The following RMST variants were observed in gnomAD, a reference collection of about 807,000 sequenced individuals.
RMST encodes long intergenic non-protein coding RNA 54.
At chr12:97,562,007 T>G (rs1284292753) in intron 13 of RMST, among the ~76,000 whole-genome samples, 1 of 152,050 alleles carries the variant, frequency 6.6e-6, no homozygotes, top group Non-Finnish European at 1.5e-5. Flanking sequence ...TTGGTGCCAG[T>G]TTTTGCTGGC....
intron 10 of RMST, among the ~76,000 whole-genome samples, chr12:97,496,326 T>C (rs1877410608): frequency 6.6e-6 from 1 of 152,094 alleles, no homozygotes; most frequent in South Asian, 2.1e-4. Context: ...AAATAGAATG[T>C]AGTAGAAGAA....
At chr12:97,486,289 A>T (rs1014125477) in intron 5 of RMST, among the ~76,000 whole-genome samples, 2 of 152,130 alleles carry the variant, frequency 1.3e-5, no homozygotes, top group African/African-American at 4.8e-5. Context: ...CTGGCTTTTT[A>T]AAAAAATTCT....
chr12:97,493,450 C>T (rs1394232196), intron 7 of RMST, among the ~76,000 whole-genome samples: 1 of 152,124 alleles, frequency 6.6e-6, no homozygotes, highest in African/African-American at 2.4e-5. Context: ...AGAATTTCAA[C>T]ATATACATTT....
intron 7 of RMST, among the ~76,000 whole-genome samples, chr12:97,493,546 C>T (rs924644168): frequency 2.0e-5 from 3 of 152,094 alleles, no homozygotes; most frequent in African/African-American, 7.2e-5. Flanking sequence ...CCTTGACTGA[C>T]ATTTTATCTG....
rs576531156 is a variant in RMST at position 97,555,864 on chromosome 12, G to T, written n.1546-4673G>T. 8.5e-4 allele frequency among the ~76,000 whole-genome samples: 129 copies of T among 152,292 alleles called. 1 individual carries two copies. Among genetic ancestry groups the T allele is most frequent in the Non-Finnish European group, 1.3e-3 (89 of 68,022 alleles). The stretch of plus-strand genomic sequence containing the variant: ...TTTCTCAGTGACTAGAGATAATAAG[G>T]TTCAATCAATTTTACCGGCTGGCTT... On this transcript the variant is annotated intron_variant and non_coding_transcript_variant, in intron 11 of 13. Transcript: ENST00000640149.
chr12:97,502,779 T>C (rs1350752539), intron 10 of RMST, among the ~76,000 whole-genome samples: 1 of 152,222 alleles, frequency 6.6e-6, no homozygotes, highest in Non-Finnish European at 1.5e-5. Context: ...AATGTAGAAC[T>C]GACAAGCTCT....
chr12:97,539,089 A>G (rs528207888), intron 11 of RMST, among the ~76,000 whole-genome samples: 1 of 151,696 alleles, frequency 6.6e-6, no homozygotes, highest in East Asian at 1.9e-4. Flanking sequence ...TAATCAATGA[A>G]GCTAATTTCA....
At chr12:97,539,718 T>G (rs779383539) in intron 11 of RMST, among the ~76,000 whole-genome samples, 2 of 151,602 alleles carry the variant, frequency 1.3e-5, no homozygotes, top group Non-Finnish European at 3.0e-5. Context: ...CATTTTAACT[T>G]TAAAATGGGA....
chr12:97,554,760 C>T (rs1883577258), intron 11 of RMST, among the ~76,000 whole-genome samples: 2 of 152,194 alleles, frequency 1.3e-5, no homozygotes, highest in South Asian at 4.1e-4. Flanking sequence ...TTGTTATTGG[C>T]TGCTTATATT....
chr12:97,485,539 G>A (rs1479051668), intron 5 of RMST, among the ~76,000 whole-genome samples: 1 of 152,104 alleles, frequency 6.6e-6, no homozygotes, highest in Non-Finnish European at 1.5e-5. Context: ...TGACTGACTT[G>A]CTTGTTAGCT....
intron 11 of RMST, among the ~76,000 whole-genome samples, chr12:97,547,650 T>C (rs1482175518): frequency 6.6e-6 from 1 of 152,170 alleles, no homozygotes; most frequent in Non-Finnish European, 1.5e-5. Flanking sequence ...TTAGTGATGT[T>C]GAGCCTCTTT....
chr12:97,516,977 A>G (rs1241038577), intron 10 of RMST, among the ~76,000 whole-genome samples: 1 of 151,986 alleles, frequency 6.6e-6, no homozygotes, highest in East Asian at 1.9e-4. Flanking sequence ...AGTCTTATGA[A>G]AGGTATCTAA....
chr12:97,498,849 C>T (rs1480004173), intron 10 of RMST, among the ~76,000 whole-genome samples: 1 of 152,170 alleles, frequency 6.6e-6, no homozygotes, highest in Non-Finnish European at 1.5e-5. Flanking sequence ...TGAGGTGCTG[C>T]CCCTGTGAAG....
intron 10 of RMST, among the ~76,000 whole-genome samples, chr12:97,507,209 T>C (rs1455568111): frequency 6.6e-6 from 1 of 151,864 alleles, no homozygotes; most frequent in Non-Finnish European, 1.5e-5. Context: ...TATGATTACA[T>C]GTCTGCTTTT....
intron 5 of RMST, among the ~76,000 whole-genome samples, chr12:97,477,909 A>G (rs1874751701): frequency 6.6e-6 from 1 of 152,228 alleles, no homozygotes. Context: ...GACACGGCAG[A>G]GAGAAATTGC....
chr12:97,563,379 A>G lies in RMST; in HGVS notation n.1959-771A>G, dbSNP rs77825925. 1.9e-3 allele frequency: 390 copies of G among 202,996 alleles called. 5 individuals carry two copies. In the East Asian group the frequency reaches 0.051, roughly 27 times the overall value. 12.6% of individuals were successfully genotyped at this position (202,996 alleles called of 1,614,324 possible). A position where few individuals can be genotyped will look rare whatever the true frequency, so the allele number is the denominator to read the frequency against. On this transcript the variant is annotated intron_variant and non_coding_transcript_variant, in intron 13 of 13. Coordinates refer to ENST00000640149, the Ensembl canonical transcript of RMST. ...GATCCCGACTCCCCACCTGACCCAA[A>G]ATGAAAAGTCTAAAAGCCAGCATGG...
chr12:97,535,989 CCTAT>C (rs1882046056), intron 11 of RMST, among the ~76,000 whole-genome samples: 1 of 151,502 alleles, frequency 6.6e-6, no homozygotes, highest in Non-Finnish European at 1.5e-5. Flanking sequence ...CTTGTGTTTA[CCTAT>C]CTTTCTTTTA....
In RMST at chr12:97,481,543, C is replaced by T. The variant is rs548650818; in HGVS notation, n.645-10918C>T. 5.3e-5 allele frequency among the ~76,000 whole-genome samples: 8 copies of T among 151,952 alleles called. No individual in the cohort carries two copies. In the East Asian group the frequency reaches 1.4e-3, roughly 26 times the overall value. Reference sequence around the variant, plus strand: ...CATTTCAGATATATTTTTTTCATACCGAGAAATAGCATGCTGAGCTTTGCT... The same window carrying T: ...CATTTCAGATATATTTTTTTCATACTGAGAAATAGCATGCTGAGCTTTGCT... On this transcript the variant is annotated intron_variant and non_coding_transcript_variant, in intron 5 of 13. Transcript: ENST00000640149.
intron 10 of RMST, among the ~76,000 whole-genome samples, chr12:97,499,052 T>C (rs907269121): frequency 6.6e-6 from 1 of 152,144 alleles, no homozygotes; most frequent in African/African-American, 2.4e-5. Context: ...GTCTATGGGG[T>C]TTGTCTGACA....
Sources: allele counts gnomAD v4.1 joint callset (sites outside exome capture counted in the v4.1 genomes callset), GRCh38; gene constraint gnomAD v4.1.1; transcripts MANE v1.5; gene names NCBI Gene and HGNC (gene_info 2026-07-23, HGNC 2026-07-21).